Variants in ASMTL observed in about 807,000 individuals in gnomAD.
ASMTL encodes acetylserotonin O-methyltransferase like.
In ASMTL, 57 loss-of-function variants were observed where a neutral mutation model predicts 60.3. The observed-to-expected ratio is 0.95, with a 90% CI of 0.76 to 1.18. The LOEUF (loss-of-function observed/expected upper bound fraction) is 1.18, where lower values mean the gene tolerates loss of function less well. ASMTL is among the 50% of genes most tolerant of loss of function. The pLI is 0.00. For missense variants in ASMTL, 981 were observed against 852.6 expected, an observed-to-expected ratio of 1.15 and a Z score of -1.88; for synonymous variants, 419 against 373.0, an observed-to-expected ratio of 1.12 and a Z score of -1.42.
Position 1,419,049 on chromosome X carries a change from C to G in ASMTL, c.1311G>C (p.Lys437Asn). 1.2e-6 allele frequency: 2 copies of G among 1,611,542 alleles called. No individual in the cohort carries two copies. Among genetic ancestry groups the G allele is most frequent in the Non-Finnish European group, 1.7e-6 (2 of 1,179,642 alleles). ...CCGTGGCCACCTGGCACGCAGTCAG[C>G]TTCGTCATGCCGTGCATGGCCCGCA... ...RFMRAMHGMT[K>N]LTACQVATAF... Residue 437 changes from lysine to asparagine, a missense_variant, in exon 10 of 13, where the codon AAG becomes AAC. By Grantham distance (94) the Lys-to-Asn change is moderately conservative. Coordinates refer to ENST00000381317, the MANE Select transcript of ASMTL (RefSeq NM_004192.4).
In ASMTL at chrX:1,433,404, G is replaced by T. The variant is rs1231852419; in HGVS notation, c.401-1027C>A. 2.7e-5 allele frequency among the ~76,000 whole-genome samples: 4 copies of T among 147,886 alleles called. No individual in the cohort carries two copies. The South Asian group carries it at 6.4e-4, about 24-fold the overall frequency. On this transcript the variant is annotated intron_variant, in intron 5 of 12. Transcript: ENST00000381317. The stretch of plus-strand genomic sequence containing the variant: ...GAAGGGACCGCGCGCGGTGGCTCAC[G>T]CCTGTCATCCCAGCACTTTGGGAGG...
chrX:1,441,124 T>C (rs1351720080), intron 2 of ASMTL, among the ~76,000 whole-genome samples: 1 of 152,090 alleles, frequency 6.6e-6, no homozygotes. Context: ...CGATATTACT[T>C]AGTGGCATGG....
At chrX:1,437,540 TATGAG>T (rs2091001111) in intron 3 of ASMTL, among the ~76,000 whole-genome samples, 1 of 151,900 alleles carries the variant, frequency 6.6e-6, no homozygotes. Context: ...CTCCTCTTCT[TATGAG>T]ATGTCTTAGT....
chrX:1,432,195 TGG>T lies in ASMTL; in HGVS notation c.509+72_509+73del, dbSNP rs761907056. ...GCCTCCTTCTTTCCCAAAGGCTGGG[TGG>T]GACACCCCACGTGTGAGGGTGGCCA... On this transcript the variant is annotated intron_variant, in intron 6 of 12. Coordinates refer to ENST00000381317, the MANE Select transcript of ASMTL (RefSeq NM_004192.4). 8.8e-6 allele frequency: 11 copies of T among 1,256,514 alleles called. No homozygotes were observed. The South Asian group carries it at 8.8e-5, about 10-fold the overall frequency. The allele number at this position is 1,256,514 out of a possible 1,614,324, so 77.8% of individuals were successfully genotyped here.
Position 1,405,926 on chromosome X carries a change from GTGGA to G in ASMTL, c.1646-2441_1646-2438del, listed in dbSNP as rs765177385. Among the ~76,000 whole-genome samples the G allele has an allele frequency of 4.6e-3, 685 of 147,604 alleles. 6 individuals are homozygous for G. Among genetic ancestry groups the G allele is most frequent in the African/African-American group, 0.016 (649 of 40,024 alleles). On this transcript the variant is annotated intron_variant, in intron 12 of 12. Transcript: ENST00000381317. The stretch of plus-strand genomic sequence containing the variant: ...TGGTAGATGATGGGTAGGTAGATGA[GTGGA>G]TGGATGGATGAATGGATGAGTAGAT...
chrX:1,412,645 G>C (rs1179527306), intron 12 of ASMTL, 87 bp downstream of exon 12: 6 of 1,581,042 alleles, frequency 3.8e-6, no homozygotes, highest in Admixed American at 3.3e-5. Context: ...TGACAGGCGT[G>C]AGCCACCGCG....
At chrX:1,415,657 G>C (rs1212751322) in intron 11 of ASMTL, among the ~76,000 whole-genome samples, 1 of 151,942 alleles carries the variant, frequency 6.6e-6, no homozygotes, top group African/African-American at 2.4e-5. Context: ...GTAGAGATGG[G>C]GTTTCGCCAT....
chrX:1,405,632 G>GTA (rs2089796639), intron 12 of ASMTL, among the ~76,000 whole-genome samples: 1 of 151,608 alleles, frequency 6.6e-6, no homozygotes, highest in Admixed American at 6.6e-5. Context: ...ATGAATGGAT[G>GTA]GATAGATGGA....
chrX:1,439,986 G>A (rs1238757563), intron 2 of ASMTL, among the ~76,000 whole-genome samples: 10 of 151,970 alleles, frequency 6.6e-5, no homozygotes, highest in African/African-American at 2.4e-4. Context: ...GCTCAGCCCC[G>A]CACTGGCCTC....
Position 1,425,706 on chromosome X carries a change from G to A in ASMTL, c.898-19C>T, listed in dbSNP as rs772809489. 6.2e-6 allele frequency: 10 copies of A among 1,611,352 alleles called. No individual in the cohort carries two copies. In the African/African-American group the frequency reaches 1.3e-4, roughly 22 times the overall value. ...GCAGGCCCTGTTAAAAGCAAGTGCAGAGAGACTCATTAAGTCCCTTGTCCA... is the reference window on the plus strand; with the variant it reads ...GCAGGCCCTGTTAAAAGCAAGTGCAAAGAGACTCATTAAGTCCCTTGTCCA... On this transcript the variant is annotated intron_variant, in intron 7 of 12. Transcript: ENST00000381317.
rs773991233 is a variant in ASMTL, at chrX:1,432,056, C to T, written c.509+213G>A. On this transcript the variant is annotated intron_variant, in intron 6 of 12. Coordinates refer to ENST00000381317, the MANE Select transcript of ASMTL (RefSeq NM_004192.4). ...GCCCAGCGTTGGCTCCCACCCTGCC[C>T]CTCTCTGTCCTGGGAGTTTGCCTCT... 9.7e-5 allele frequency: 58 copies of T among 596,070 alleles called. No homozygotes were observed. The African/African-American group carries it at 1.0e-3, about 10-fold the overall frequency. 36.9% of individuals were successfully genotyped at this position (596,070 alleles called of 1,614,324 possible). A position where few individuals can be genotyped will look rare whatever the true frequency, so the allele number is the denominator to read the frequency against.
At chrX:1,430,940 C>G (rs192632370) in intron 6 of ASMTL, among the ~76,000 whole-genome samples, 1 of 138,238 alleles carries the variant, frequency 7.2e-6, no homozygotes, top group Admixed American at 7.3e-5. Context: ...TTATATATAA[C>G]TAATATGTAT....
chrX:1,440,867 T>C (rs142361601), intron 2 of ASMTL, among the ~76,000 whole-genome samples: 1,985 of 152,306 alleles, frequency 0.013, 14 homozygotes, highest in Middle Eastern at 0.034. Context: ...GTATATTACA[T>C]AGTATCACAC....
In ASMTL at chrX:1,416,940, TCAGACA is replaced by T. The variant is rs751845989; in HGVS notation, c.1522+1027_1522+1032del. ...CAGAGGTGCACACACACACACGGAC[TCAGACA>T]CAGAGACATTCTGACGTACAGACAC... On this transcript the variant is annotated intron_variant, in intron 11 of 12. Transcript: ENST00000381317. Among the ~76,000 whole-genome samples the T allele has an allele frequency of 4.4e-3, 645 of 146,778 alleles. 10 individuals carry two copies. The highest frequency in any genetic ancestry group is 0.03 in the East Asian group (147 of 4,858).
upstream of ASMTL, among the ~76,000 whole-genome samples, chrX:1,453,418 CCCG>C (rs2091445391): frequency 6.6e-6 from 1 of 152,028 alleles, no homozygotes; most frequent in South Asian, 2.1e-4. Flanking sequence ...GGGCCCCGTC[CCCG>C]CCCCCGGCGC....
Position 1,443,182 on chromosome X carries a change from G to A in ASMTL, c.94-865C>T, listed in dbSNP as rs111676600. 3.8e-3 allele frequency among the ~76,000 whole-genome samples: 364 copies of A among 94,754 alleles called. 2 individuals carry two copies. The highest frequency in any genetic ancestry group is 9.5e-3 in the African/African-American group (338 of 35,710). 62.2% of individuals were successfully genotyped at this position (94,754 alleles called of 152,430 possible). ...CACACCGCCATCGTGGACACACACC[G>A]CCATCGTGGACACACACTGCCATCT... On this transcript the variant is annotated intron_variant, in intron 1 of 12. Transcript: ENST00000381317.
intron 11 of ASMTL, among the ~76,000 whole-genome samples, chrX:1,417,668 C>T (rs1487048727): frequency 2.6e-5 from 4 of 151,718 alleles, no homozygotes; most frequent in African/African-American, 9.7e-5. Context: ...CACATACTCT[C>T]ACAGAAACAT....
intron 11 of ASMTL, among the ~76,000 whole-genome samples, chrX:1,416,877 A>T (rs1344086148): frequency 2.0e-5 from 3 of 151,404 alleles, no homozygotes; most frequent in Non-Finnish European, 4.4e-5. Context: ...ATATCCACAG[A>T]CACGCAGACA....
In ASMTL at chrX:1,431,259, G is replaced by A. The variant is rs867517819; in HGVS notation, c.509+1010C>T. Among the ~76,000 whole-genome samples the A allele has an allele frequency of 4.9e-3, 582 of 119,506 alleles. 7 individuals are homozygous for A. The highest frequency in any genetic ancestry group is 0.017 in the African/African-American group (546 of 31,212). The allele number at this position is 119,506 out of a possible 152,430, so 78.4% of individuals were successfully genotyped here. On this transcript the variant is annotated intron_variant, in intron 6 of 12. Coordinates refer to ENST00000381317, the MANE Select transcript of ASMTL (RefSeq NM_004192.4). ...TATTTATATATAATTATAAATATAT[G>A]TAATTATATATTTATATATAAATAA...
Sources: allele counts gnomAD v4.1 joint callset (sites outside exome capture counted in the v4.1 genomes callset), GRCh38; gene constraint gnomAD v4.1.1; transcripts MANE v1.5; gene names NCBI Gene and HGNC (gene_info 2026-07-23, HGNC 2026-07-21).